Variants in SATB1 observed in about 807,000 individuals in gnomAD.
SATB1 encodes the protein SATB homeobox 1, also known as DNA-binding protein SATB1.
SATB1 carries 11 observed loss-of-function variants against 86.9 expected under a neutral mutation model. That is an observed-to-expected ratio of 0.13 (90% CI 0.08 to 0.21). The LOEUF is 0.21. SATB1 is among the 10% of genes least tolerant of loss of function. SATB1 has a pLI of 1.00. For synonymous variants in SATB1, 357 were observed against 357.2 expected (o/e 1.00, Z 0.01); for missense variants, 551 against 937.6 (o/e 0.59, Z 5.39).
chr3:18,387,715 A>G (rs1473319163), intron 7 of SATB1, among the ~76,000 whole-genome samples: 2 of 152,204 alleles, frequency 1.3e-5, no homozygotes, highest in Non-Finnish European at 2.9e-5. Flanking sequence ...TCAGCTTCAG[A>G]ATAAAATTTT....
rs1011588785 is a variant in SATB1 at position 18,425,053 on chromosome 3, C to G, written c.-1451G>C. The G allele has an allele frequency of 6.3e-6, 1 of 157,880 alleles. No individual in the cohort carries two copies. The highest frequency in any genetic ancestry group is 2.4e-5 in the African/African-American group (1 of 41,494). 9.8% of individuals were successfully genotyped at this position (157,880 alleles called of 1,614,324 possible). On this transcript the variant is annotated 5_prime_UTR_variant, in exon 1 of 11. Coordinates refer to ENST00000338745, the MANE Select transcript of SATB1 (RefSeq NM_002971.6). ...CTGCCCCCATTAAATTATTAGTTGA[C>G]TCATCCCGGCCGCTGTCGCTGCCGC...
chr3:18,360,315 C>T (rs1055857855), intron 9 of SATB1, among the ~76,000 whole-genome samples: 1 of 152,122 alleles, frequency 6.6e-6, no homozygotes, highest in Non-Finnish European at 1.5e-5. Flanking sequence ...TTTCAAACTG[C>T]CCATAGTTAC....
chr3:18,443,056 CAG>C (rs1306114472), upstream of SATB1, among the ~76,000 whole-genome samples: 1 of 152,164 alleles, frequency 6.6e-6, no homozygotes, highest in Non-Finnish European at 1.5e-5. This position sits in a 1 kb window ranked among gnomAD's most constrained non-coding sequence, Gnocchi z 4.4. Context: ...TTGATTTTTG[CAG>C]CTACATTTGA....
At chr3:18,359,340 AAAG>A (rs2125142782) in intron 9 of SATB1, among the ~76,000 whole-genome samples, 1 of 152,090 alleles carries the variant, frequency 6.6e-6, no homozygotes, top group African/African-American at 2.4e-5. Context: ...CTCACATTTT[AAAG>A]AATATTTTCA....
intron 9 of SATB1, among the ~76,000 whole-genome samples, chr3:18,359,800 G>A (rs1385042082): frequency 6.7e-6 from 1 of 150,340 alleles, no homozygotes; most frequent in Non-Finnish European, 1.5e-5. Context: ...TTCATAGCTG[G>A]TATCATTAAA....
At chr3:18,431,556 TGAG>T (rs1376244105) in intron 2 of SATB1, among the ~76,000 whole-genome samples, 4 of 152,158 alleles carry the variant, frequency 2.6e-5, no homozygotes, top group African/African-American at 9.7e-5. Context: ...TGGCTGAGGA[TGAG>T]GAGAAGACAT....
upstream of SATB1, among the ~76,000 whole-genome samples, chr3:18,439,670 T>A (rs1397569200): frequency 6.6e-6 from 1 of 152,190 alleles, no homozygotes; most frequent in South Asian, 2.1e-4. Flanking sequence ...AAGACCATAT[T>A]CTACCCTGAT....
At chr3:18,405,223 T>C (rs911898875) in intron 5 of SATB1, among the ~76,000 whole-genome samples, 5 of 152,004 alleles carry the variant, frequency 3.3e-5, no homozygotes, top group African/African-American at 9.7e-5. Context: ...TTTGATTTTA[T>C]TGACAAAATT....
chr3:18,421,301 AAAAAG>A (rs1698385927), intron 1 of SATB1: 1 of 203,604 alleles, frequency 4.9e-6, no homozygotes, highest in Non-Finnish European at 9.9e-6. Flanking sequence ...AAGTATAGCT[AAAAAG>A]AAAACAGCAA....
chr3:18,385,332 C>G (rs1678808487), intron 8 of SATB1, among the ~76,000 whole-genome samples: 1 of 152,054 alleles, frequency 6.6e-6, no homozygotes, highest in Non-Finnish European at 1.5e-5. Flanking sequence ...TGTAAGAAAA[C>G]ACATTTGCAG....
At chr3:18,445,139 C>G in intron 1 of SATB1, 1 of 850,056 alleles carries the variant, frequency 1.2e-6, no homozygotes, top group Non-Finnish European at 1.4e-6. Flanking sequence ...GCCGCCGCTT[C>G]GGAGCTTGTG....
At position 18,420,771 on chromosome 3, in the gene SATB1, G is replaced by C; in HGVS notation, c.197C>G (p.Thr66Ser). ...PLKHSGHLMK[T>S]NLRKGTMLPV... ...AAGGTATTTACCTTTCCTAAGGTTG[G>C]TTTTCATCAGATGGCCCGAGTGTTT... Residue 66 changes from threonine (T) to serine (S), a missense_variant, in exon 2 of 11, where the codon ACC becomes AGC. Around this residue, in one of 8 missense-constraint regions of SATB1, gnomAD observed 153 missense variants for 258.1 expected, o/e 0.59. Coordinates refer to ENST00000338745, the MANE Select transcript of SATB1 (RefSeq NM_002971.6). The C allele has an allele frequency of 1.9e-6, 3 of 1,613,712 alleles. No individual in the cohort carries two copies. The highest frequency in any genetic ancestry group is 2.5e-6 in the Non-Finnish European group (3 of 1,179,972).
intron 7 of SATB1, among the ~76,000 whole-genome samples, chr3:18,393,370 C>T (rs1436689381): frequency 6.6e-6 from 1 of 151,748 alleles, no homozygotes; most frequent in African/African-American, 2.4e-5. Flanking sequence ...TTTTAGTGTA[C>T]CTGGGCCAAA....
intron 9 of SATB1, among the ~76,000 whole-genome samples, chr3:18,372,269 T>C (rs1695512547): frequency 6.6e-6 from 1 of 152,224 alleles, no homozygotes; most frequent in South Asian, 2.1e-4. Flanking sequence ...TCTTCAAATC[T>C]GGTCTAAAAA....
intron 7 of SATB1, among the ~76,000 whole-genome samples, chr3:18,393,785 C>T (rs2125114090): frequency 6.6e-6 from 1 of 152,272 alleles, no homozygotes; most frequent in South Asian, 2.1e-4. Context: ...GATTTAAGTG[C>T]TTCAAAACCT....
intron 1 of SATB1, among the ~76,000 whole-genome samples, chr3:18,422,356 G>T (rs1422877639): frequency 1.3e-5 from 2 of 152,106 alleles, no homozygotes; most frequent in African/African-American, 4.8e-5. Flanking sequence ...TCAAGAAAAG[G>T]GGGGCAGCAA....
chr3:18,394,423 T>C lies in SATB1; in HGVS notation c.1206+39A>G, dbSNP rs1229356309. 2.6e-6 allele frequency: 4 copies of C among 1,544,184 alleles called. No homozygotes were observed. The highest frequency in any genetic ancestry group is 1.4e-5 in the African/African-American group (1 of 73,230). ...TAGATGGGACTAAAGAAAGAGAAAATAGGAGACAGCACAGAACCACTTATG... is the reference window on the plus strand; with the variant it reads ...TAGATGGGACTAAAGAAAGAGAAAACAGGAGACAGCACAGAACCACTTATG... On this transcript the variant is annotated intron_variant, in intron 7 of 10. Coordinates refer to ENST00000338745, the MANE Select transcript of SATB1 (RefSeq NM_002971.6). This position sits in a 1 kb window ranked among gnomAD's most constrained non-coding sequence, Gnocchi z 5.9.
At chr3:18,385,257 G>A (rs1374908641) in intron 8 of SATB1, among the ~76,000 whole-genome samples, 2 of 152,108 alleles carry the variant, frequency 1.3e-5, no homozygotes, top group African/African-American at 2.4e-5. Flanking sequence ...TTTCTTCCAT[G>A]TTCAATTTTT....
intron 10 of SATB1, chr3:18,351,244 T>C: frequency 1.5e-6 from 2 of 1,319,340 alleles, no homozygotes; most frequent in Non-Finnish European, 2.1e-6. Context: ...AATCCTGACC[T>C]GGGGAGCAGG....
Sources: allele counts gnomAD v4.1 joint callset (sites outside exome capture counted in the v4.1 genomes callset), GRCh38; gene constraint gnomAD v4.1.1; regional missense constraint gnomAD v4.1.1; non-coding constraint Gnocchi (gnomAD v3.1); transcripts MANE v1.5; gene names NCBI Gene and HGNC (gene_info 2026-07-23, HGNC 2026-07-21).